TNFSF4: variants seen among roughly 807,000 people sequenced by gnomAD.
The protein encoded by TNFSF4 is TNF superfamily member 4, also known as tumor necrosis factor ligand superfamily member 4.
A neutral mutation model predicts 7.3 loss-of-function variants in TNFSF4; 4 were observed. That is an observed-to-expected ratio of 0.55 (90% CI 0.27 to 1.25). The LOEUF is 1.25. Among genes scored for constraint, TNFSF4 ranks in the 50% most tolerant of loss-of-function variants. The probability of loss-of-function intolerance (pLI) is 0.12; values close to 1 mark genes in which losing one functional copy is unlikely to be tolerated. For missense variants in TNFSF4, 181 were observed against 208.8 expected, an observed-to-expected ratio of 0.87 and a Z score of 0.82; for synonymous variants, 76 against 83.7, an observed-to-expected ratio of 0.91 and a Z score of 0.50.
the TNFSF4 span, among the ~76,000 whole-genome samples, chr1:173,352,679 T>G: frequency 6.6e-6 from 1 of 152,202 alleles, no homozygotes; most frequent in Admixed American, 6.5e-5. Flanking sequence ...AAGTTCCATG[T>G]CCCACTGTGC....
At chr1:173,395,377 AATATATATATATATAT>A in the TNFSF4 span, among the ~76,000 whole-genome samples, 1,761 of 63,246 alleles carry the variant, frequency 0.028, 75 homozygotes, top group Middle Eastern at 0.044. Context: ...CTGTGTATAT[AATATATATATATATAT>A]ATATATATAT....
chr1:173,258,195 G>A, the TNFSF4 span, among the ~76,000 whole-genome samples: 2,534 of 152,102 alleles, frequency 0.017, 72 homozygotes, highest in African/African-American at 0.057. Flanking sequence ...GAGGGGCTAA[G>A]ATAGCTGATT....
At chr1:173,331,999 C>T in the TNFSF4 span, among the ~76,000 whole-genome samples, 2 of 152,028 alleles carry the variant, frequency 1.3e-5, no homozygotes, top group Non-Finnish European at 2.9e-5. Context: ...AGGGGTGCTG[C>T]CAAACATCCT....
At chr1:173,294,424 T>C in the TNFSF4 span, among the ~76,000 whole-genome samples, 10 of 151,776 alleles carry the variant, frequency 6.6e-5, no homozygotes, top group Non-Finnish European at 1.3e-4. Flanking sequence ...GACACAGATA[T>C]AGGAACAATA....
At chr1:173,182,697 G>A (rs996180777), downstream of TNFSF4, among the ~76,000 whole-genome samples, 1 of 152,202 alleles carries the variant, frequency 6.6e-6, no homozygotes, top group Non-Finnish European at 1.5e-5. Flanking sequence ...ATGAGGCACT[G>A]GAGTAGAAGA....
chr1:173,308,276 T>TCC, the TNFSF4 span, among the ~76,000 whole-genome samples: 3 of 139,396 alleles, frequency 2.2e-5, no homozygotes, highest in African/African-American at 8.1e-5. Context: ...TTTCTCTCTC[T>TCC]CTCTCTCTCT....
intron 1 of TNFSF4, among the ~76,000 whole-genome samples, chr1:173,194,454 T>C (rs1218852972): frequency 1.3e-5 from 2 of 152,202 alleles, no homozygotes; most frequent in Non-Finnish European, 2.9e-5. Context: ...AAAATCACTG[T>C]AGGCTTTGAC....
chr1:173,313,944 T>C, the TNFSF4 span, among the ~76,000 whole-genome samples: 1 of 152,128 alleles, frequency 6.6e-6, no homozygotes, highest in East Asian at 1.9e-4. Context: ...ATCATTTTAT[T>C]ATATGCTTTC....
upstream of TNFSF4, among the ~76,000 whole-genome samples, chr1:173,207,490 T>G (rs1264224344): frequency 3.3e-5 from 5 of 152,084 alleles, no homozygotes; most frequent in African/African-American, 1.2e-4. Flanking sequence ...CAGTTCTGAT[T>G]TGAGTGACTG....
chr1:173,353,291 T>C, the TNFSF4 span, among the ~76,000 whole-genome samples: 6 of 152,308 alleles, frequency 3.9e-5, no homozygotes, highest in South Asian at 2.1e-4. Context: ...TGTTTAGAGA[T>C]TGCAGTAAAG....
the TNFSF4 span, among the ~76,000 whole-genome samples, chr1:173,266,601 T>C: frequency 6.6e-6 from 1 of 152,198 alleles, no homozygotes; most frequent in Non-Finnish European, 1.5e-5. Context: ...ATGTTCTCTG[T>C]GAATTCCTCC....
the TNFSF4 span, among the ~76,000 whole-genome samples, chr1:173,325,844 T>C: frequency 6.6e-6 from 1 of 152,114 alleles, no homozygotes; most frequent in South Asian, 2.1e-4. Flanking sequence ...AATAGACCAA[T>C]AACAGGCTCT....
At chr1:173,397,328 A>G in the TNFSF4 span, among the ~76,000 whole-genome samples, 1 of 152,202 alleles carries the variant, frequency 6.6e-6, no homozygotes, top group Admixed American at 6.5e-5. Context: ...CTTAAAAGTT[A>G]TATTAATACA....
the TNFSF4 span, among the ~76,000 whole-genome samples, chr1:173,321,515 A>C: frequency 2.0e-5 from 3 of 152,198 alleles, no homozygotes; most frequent in Non-Finnish European, 4.4e-5. Flanking sequence ...GTACAGCAAA[A>C]GAAACTATCA....
chr1:173,427,032 T>C, the TNFSF4 span, among the ~76,000 whole-genome samples: 1 of 152,196 alleles, frequency 6.6e-6, no homozygotes, highest in Non-Finnish European at 1.5e-5. Flanking sequence ...ATTTTAGCCC[T>C]GTGAAACCCA....
At chr1:173,404,423 C>G in the TNFSF4 span, among the ~76,000 whole-genome samples, 1 of 152,156 alleles carries the variant, frequency 6.6e-6, no homozygotes, top group Non-Finnish European at 1.5e-5. Flanking sequence ...TGTGCTAAGG[C>G]AAATAACTAT....
At chr1:173,397,127 A>G in the TNFSF4 span, among the ~76,000 whole-genome samples, 1 of 152,192 alleles carries the variant, frequency 6.6e-6, no homozygotes, top group African/African-American at 2.4e-5. Flanking sequence ...GTGTTCCTAG[A>G]AGTAAAATAG....
chr1:173,200,005 T>C (rs138193721), intron 1 of TNFSF4, among the ~76,000 whole-genome samples: 14 of 152,380 alleles, frequency 9.2e-5, no homozygotes, highest in Admixed American at 5.2e-4. Context: ...TGTTAAAGCT[T>C]TGTTGATTAT....
At chr1:173,397,012 T>C in the TNFSF4 span, among the ~76,000 whole-genome samples, 1 of 152,168 alleles carries the variant, frequency 6.6e-6, no homozygotes, top group Non-Finnish European at 1.5e-5. Context: ...AACACTTAAC[T>C]GCCAAAGACA....
Sources: gnomAD v4.1 joint callset for allele counts (sites outside exome capture counted in the v4.1 genomes callset) on GRCh38, gnomAD v4.1.1 for gene constraint, MANE v1.5 for transcripts, NCBI Gene and HGNC (gene_info 2026-07-23, HGNC 2026-07-21) for gene names.